INTS6: variants seen among roughly 807,000 people sequenced by gnomAD.
INTS6 encodes the protein DEAD box protein.
Under a neutral mutation model 104.9 loss-of-function variants are expected in INTS6, and 16 were observed. The ratio of observed to expected loss-of-function variants is 0.15; its 90% CI spans 0.10 to 0.23. The LOEUF (loss-of-function observed/expected upper bound fraction) is 0.23, where lower values mean the gene tolerates loss of function less well. Ranked by LOEUF, INTS6 falls within the 10% of genes least tolerant of loss-of-function variation. The pLI, the probability that INTS6 is intolerant of heterozygous loss-of-function variation, is 1.00. For synonymous variants in INTS6, 324 were observed against 358.7 expected, an observed-to-expected ratio of 0.90 and a Z score of 1.09; for missense variants, 584 against 1,062.8, an observed-to-expected ratio of 0.55 and a Z score of 6.26.
At chr13:51,404,161 C>A (rs1376117027) in intron 4 of INTS6, among the ~76,000 whole-genome samples, 1 of 150,306 alleles carries the variant, frequency 6.7e-6, no homozygotes, top group African/African-American at 2.5e-5. Context: ...GCAGTCCCAG[C>A]TAGTTGGGAG....
chr13:51,408,690 T>G (rs1456790004), intron 4 of INTS6, among the ~76,000 whole-genome samples: 5 of 152,102 alleles, frequency 3.3e-5, no homozygotes, highest in Non-Finnish European at 7.4e-5. Flanking sequence ...CTCAAAGAAG[T>G]AGGAAAAAAA....
intron 3 of INTS6, chr13:51,448,504 C>T (rs1952969094): frequency 6.6e-6 from 1 of 152,130 alleles, no homozygotes; most frequent in Admixed American, 6.5e-5. Context: ...CTTACTAATG[C>T]CCTGCAAATT....
rs147447392 is a variant in INTS6 at position 51,388,647 on chromosome 13, C to T, written c.739+672G>A. Among the ~76,000 whole-genome samples, 1,444 of 152,288 alleles carry T rather than the reference C, an allele frequency of 9.5e-3. 13 individuals carry two copies. The highest frequency in any genetic ancestry group is 0.033 in the East Asian group (169 of 5,190). On this transcript the variant is annotated intron_variant, in intron 6 of 17. Coordinates refer to ENST00000311234, the MANE Select transcript of INTS6 (RefSeq NM_012141.3). ...ACCTCAGGTGATCCACCCACCTTGG[C>T]CTCCCAAAGTGCTAGGATTAGAGGT... is the stretch of plus-strand genomic sequence containing the variant.
intron 15 of INTS6, 99 bp downstream of exon 15, chr13:51,374,106 GTAC>G: frequency 1.2e-6 from 1 of 855,100 alleles, no homozygotes. Context: ...TTCACTCATT[GTAC>G]TACTAATCAA....
the INTS6 span, chr13:51,341,407 C>T: frequency 4.1e-6 from 6 of 1,455,362 alleles, no homozygotes; most frequent in Non-Finnish European, 5.6e-6. Flanking sequence ...ACACTCTCTC[C>T]AGCTCACCCT....
At chr13:51,355,433 G>A (rs1164046981) in intron 3 of INTS6, among the ~76,000 whole-genome samples, 3 of 152,092 alleles carry the variant, frequency 2.0e-5, no homozygotes, top group Non-Finnish European at 4.4e-5. Flanking sequence ...GTCATGACTA[G>A]GAGTGTACCC....
chr13:51,429,310 C>T (rs868707324), intron 4 of INTS6, among the ~76,000 whole-genome samples: 6 of 152,042 alleles, frequency 3.9e-5, no homozygotes, highest in African/African-American at 1.5e-4. Flanking sequence ...AATAAAGCTC[C>T]ATCAAAACAA....
chr13:51,431,571 T>C (rs1409339041), intron 3 of INTS6, among the ~76,000 whole-genome samples: 1 of 152,174 alleles, frequency 6.6e-6, no homozygotes, highest in African/African-American at 2.4e-5. Flanking sequence ...CCTAACATAT[T>C]ATAATATATA....
intron 13 of INTS6, 114 bp downstream of exon 13, chr13:51,375,934 A>G: frequency 3.8e-6 from 3 of 788,574 alleles, no homozygotes; most frequent in South Asian, 3.3e-5. Context: ...TGAACTTACA[A>G]TAAGAATGTT....
Position 51,452,692 on chromosome 13 carries a change from A to G in INTS6, c.-167T>C. 1.4e-6 allele frequency: 2 copies of G among 1,383,596 alleles called. No individual in the cohort carries two copies. The highest frequency in any genetic ancestry group is 1.9e-6 in the Non-Finnish European group (2 of 1,067,984). The allele number at this position is 1,383,596 out of a possible 1,614,324, so 85.7% of individuals were successfully genotyped here. A position where few individuals can be genotyped will look rare whatever the true frequency, so the allele number is the denominator to read the frequency against. Reference sequence around the variant, plus strand: ...CCGGCTGCGGGGAGTTTCTCCCCCGATAGTTGAGAGGAAACTCCCCAGACC... The same window carrying G: ...CCGGCTGCGGGGAGTTTCTCCCCCGGTAGTTGAGAGGAAACTCCCCAGACC... On this transcript the variant is annotated 5_prime_UTR_variant, in exon 1 of 18. Coordinates refer to ENST00000311234, the MANE Select transcript of INTS6 (RefSeq NM_012141.3). The surrounding 1 kb of genome is among the most constrained non-coding windows in gnomAD (Gnocchi z 4.2).
At chr13:51,378,186 T>C (rs991179169) in intron 12 of INTS6, 53 bp downstream of exon 12, 2 of 1,296,318 alleles carry the variant, frequency 1.5e-6, no homozygotes, top group African/African-American at 1.5e-5. Flanking sequence ...ATGTGATTTA[T>C]CCAGTAACAT....
chr13:51,372,563 A>G (rs542336065), intron 15 of INTS6, among the ~76,000 whole-genome samples: 1 of 152,126 alleles, frequency 6.6e-6, no homozygotes, highest in African/African-American at 2.4e-5. Flanking sequence ...CTCTAGCCCA[A>G]TCCTCTTCTC....
intron 11 of INTS6, 120 bp downstream of exon 11, chr13:51,379,338 AATGT>A: frequency 2.3e-6 from 1 of 442,384 alleles, no homozygotes; most frequent in Admixed American, 4.1e-5. Flanking sequence ...ATGGCTCTAA[AATGT>A]AATATATTAA....
chr13:51,409,308 T>C (rs1455665239), intron 4 of INTS6, among the ~76,000 whole-genome samples: 3 of 145,446 alleles, frequency 2.1e-5, no homozygotes, highest in African/African-American at 5.1e-5. Context: ...ATAATAATAA[T>C]AATAATAGTA....
At chr13:51,388,463 C>A (rs1244894294) in intron 6 of INTS6, among the ~76,000 whole-genome samples, 1 of 151,634 alleles carries the variant, frequency 6.6e-6, no homozygotes, top group Non-Finnish European at 1.5e-5. Context: ...GTGTGATCTC[C>A]ACTCACCGCA....
chr13:51,445,859 G>C (rs1251600337), intron 3 of INTS6: 2 of 152,264 alleles, frequency 1.3e-5, no homozygotes, highest in Admixed American at 6.5e-5. Context: ...ACATGGTGGT[G>C]GAAAAACTGG....
Position 51,362,526 on chromosome 13 carries a change from C to T in INTS6, c.*3226G>A, listed in dbSNP as rs1353210774. The T allele has an allele frequency of 6.6e-6, 1 of 152,526 alleles. No individual in the cohort carries two copies. The highest frequency in any genetic ancestry group is 1.5e-5 in the Non-Finnish European group (1 of 68,088). 9.4% of individuals were successfully genotyped at this position (152,526 alleles called of 1,614,324 possible). A position where few individuals can be genotyped will look rare whatever the true frequency, so the allele number is the denominator to read the frequency against. On this transcript the variant is annotated 3_prime_UTR_variant, in exon 18 of 18. Transcript: ENST00000311234. ...TCTTTAGATTATTTCTCTTAATGTT[C>T]TTCCTCCCCCACTCACAATTACTTA...
At position 51,363,660 on chromosome 13, in the gene INTS6, C is replaced by T. The variant is rs1955628408; in HGVS notation, c.*2092G>A. 1 of 151,720 alleles carries T rather than the reference C, an allele frequency of 6.6e-6. No individual in the cohort carries two copies. Among genetic ancestry groups the T allele is most frequent in the Non-Finnish European group, 1.5e-5 (1 of 67,890 alleles). The allele number at this position is 151,720 out of a possible 1,614,324, so 9.4% of individuals were successfully genotyped here. On this transcript the variant is annotated 3_prime_UTR_variant, in exon 18 of 18. Transcript: ENST00000311234. ...TGACAATAATTCTACAACAAGTATT[C>T]TAATTTAACTAATATACCCATTTTT...
intron 4 of INTS6, chr13:51,421,452 C>A (rs1361471863): frequency 8.9e-6 from 2 of 225,424 alleles, no homozygotes; most frequent in Non-Finnish European, 1.5e-5. Context: ...TTGTCTAGAT[C>A]AAAATGCAGC....
Sources: gnomAD v4.1 joint callset for allele counts (sites outside exome capture counted in the v4.1 genomes callset) on GRCh38, gnomAD v4.1.1 for gene constraint, Gnocchi (gnomAD v3.1) non-coding constraint, MANE v1.5 for transcripts, NCBI Gene and HGNC (gene_info 2026-07-23, HGNC 2026-07-21) for gene names.